The following ATG7 variants were observed in gnomAD, a reference collection of about 807,000 sequenced individuals.
The protein encoded by ATG7 is autophagy related 7, also known as ubiquitin-like modifier-activating enzyme ATG7.
Under a neutral mutation model 82.4 loss-of-function variants are expected in ATG7, and 70 were observed. The ratio of observed to expected loss-of-function variants is 0.85; its 90% CI spans 0.70 to 1.04. The LOEUF is 1.04. Ranked by LOEUF, ATG7 falls within the 50% of genes least tolerant of loss-of-function variation. The probability of loss-of-function intolerance (pLI) is 0.00; values close to 1 mark genes in which losing one functional copy is unlikely to be tolerated. For synonymous variants in ATG7, 287 were observed against 313.0 expected (o/e 0.92, Z 0.88); for missense variants, 792 against 864.3 (o/e 0.92, Z 1.05).
Position 11,307,075 on chromosome 3 carries a change from C to A in ATG7, c.333+15C>A, listed in dbSNP as rs756431974. 1.3e-6 allele frequency: 2 copies of A among 1,598,170 alleles called. No homozygotes were observed. Among genetic ancestry groups the A allele is most frequent in the East Asian group, 2.2e-5 (1 of 44,798 alleles). On this transcript the variant is annotated intron_variant, in intron 6 of 20. Coordinates refer to ENST00000693202, the MANE Select transcript of ATG7 (RefSeq NM_001349232.2). ...CAGCAAATGAGGTTAGCTGTGAAAA[C>A]GTGATGTATGTGTCATATTTCCTGT...
intron 20 of ATG7, among the ~76,000 whole-genome samples, chr3:11,441,250 TATTA>T (rs2152968479): frequency 6.6e-6 from 1 of 152,270 alleles, no homozygotes; most frequent in Admixed American, 6.5e-5. Flanking sequence ...ATTTTTTATT[TATTA>T]ATTTTTTGAG....
At chr3:11,304,776 T>C (rs1448280081) in intron 5 of ATG7, 1 of 152,230 alleles carries the variant, frequency 6.6e-6, no homozygotes, top group Non-Finnish European at 1.5e-5. Context: ...AGTATACGCA[T>C]TATCGCAAGT....
chr3:11,281,774 CAAAAAAA>C (rs537058033), intron 2 of ATG7, among the ~76,000 whole-genome samples: 20 of 56,396 alleles, frequency 3.5e-4, no homozygotes, highest in African/African-American at 1.2e-3. Context: ...AACTCCATCT[CAAAAAAA>C]AAAAAAAAAA....
intron 19 of ATG7, among the ~76,000 whole-genome samples, chr3:11,387,405 G>C (rs1164103543): frequency 6.6e-6 from 1 of 152,122 alleles, no homozygotes; most frequent in Non-Finnish European, 1.5e-5. Flanking sequence ...GTCACCTGTG[G>C]TCACAAACAC....
chr3:11,446,369 T>C, intron 20 of ATG7: 2 of 283,384 alleles, frequency 7.1e-6, no homozygotes, highest in South Asian at 6.1e-5. Context: ...GAATTAAGTA[T>C]GCCAGAGACT....
At chr3:11,494,593 T>G (rs773917349) in intron 20 of ATG7, among the ~76,000 whole-genome samples, 2 of 152,188 alleles carry the variant, frequency 1.3e-5, no homozygotes, top group Non-Finnish European at 2.9e-5. Context: ...TAGGAAATAG[T>G]CTTTGGTTCC....
At chr3:11,488,258 G>T (rs2089949050) in intron 20 of ATG7, 6 of 256,098 alleles carry the variant, frequency 2.3e-5, no homozygotes, top group Non-Finnish European at 4.2e-5. Flanking sequence ...GCCGGGCAGA[G>T]GCTGCAATCT....
In ATG7 at chr3:11,327,316, C is replaced by G. The variant is rs556746995; in HGVS notation, c.679-4024C>G. On this transcript the variant is annotated intron_variant, in intron 9 of 20. Transcript: ENST00000693202. ...TTAATTTTTCTACAGTCAGGAATTTCTTACAATTGTGTATATTTATGCAGT... is the reference window on the plus strand; with the variant it reads ...TTAATTTTTCTACAGTCAGGAATTTGTTACAATTGTGTATATTTATGCAGT... 1.5e-4 allele frequency among the ~76,000 whole-genome samples: 23 copies of G among 152,320 alleles called. No homozygotes were observed. The South Asian group carries it at 4.8e-3, about 32-fold the overall frequency.
intron 18 of ATG7, among the ~76,000 whole-genome samples, chr3:11,374,865 C>G (rs538683942): frequency 7.5e-6 from 1 of 134,024 alleles, no homozygotes; most frequent in South Asian, 2.3e-4. Flanking sequence ...AATCGCTCCA[C>G]TACACTCCAG....
chr3:11,491,142 C>T lies in ATG7; in HGVS notation c.2080-63669C>T, dbSNP rs182083522. 7.5e-3 allele frequency among the ~76,000 whole-genome samples: 1,145 copies of T among 152,318 alleles called. 9 individuals carry two copies. The highest frequency in any genetic ancestry group is 0.011 in the Non-Finnish European group (753 of 68,034). On this transcript the variant is annotated intron_variant, in intron 20 of 20. Coordinates refer to ENST00000693202, the MANE Select transcript of ATG7 (RefSeq NM_001349232.2). ...CGTAGATTTGGTCTTTTCACATAGT[C>T]CCATATTTCTTGGAGGCTTTGTTCG...
At chr3:11,356,510 G>A (rs991265676) in intron 14 of ATG7, among the ~76,000 whole-genome samples, 8 of 152,162 alleles carry the variant, frequency 5.3e-5, no homozygotes, top group Non-Finnish European at 1.0e-4. Context: ...CATAACTGAT[G>A]GGCTCTAACG....
intron 3 of ATG7, among the ~76,000 whole-genome samples, chr3:11,289,702 T>C (rs1944647984): frequency 6.6e-6 from 1 of 152,152 alleles, no homozygotes; most frequent in South Asian, 2.1e-4. Flanking sequence ...GGACTACCGA[T>C]GCGCCCTGCA....
intron 1 of ATG7, among the ~76,000 whole-genome samples, chr3:11,278,856 A>G (rs1942454648): frequency 6.6e-6 from 1 of 152,348 alleles, no homozygotes; most frequent in South Asian, 2.1e-4. Context: ...ACTAGAATAC[A>G]GGAGGATCGA....
At chr3:11,411,797 A>C in intron 19 of ATG7, among the ~76,000 whole-genome samples, 1 of 151,650 alleles carries the variant, frequency 6.6e-6, no homozygotes, top group East Asian at 1.9e-4. Flanking sequence ...TGCTAAATCC[A>C]TTGTTGTGCA....
At chr3:11,471,317 G>A (rs2087495541) in intron 20 of ATG7, among the ~76,000 whole-genome samples, 1 of 152,096 alleles carries the variant, frequency 6.6e-6, no homozygotes, top group Admixed American at 6.5e-5. Context: ...CACCTACTTG[G>A]TCTTCAAGCC....
chr3:11,467,039 A>G (rs1450849447), intron 20 of ATG7, among the ~76,000 whole-genome samples: 1 of 152,078 alleles, frequency 6.6e-6, no homozygotes, highest in Admixed American at 6.6e-5. Flanking sequence ...CAGGAGAATC[A>G]CTTGAACCCG....
At chr3:11,388,549 G>T (rs563242987) in intron 19 of ATG7, among the ~76,000 whole-genome samples, 22 of 151,152 alleles carry the variant, frequency 1.5e-4, no homozygotes, top group African/African-American at 5.1e-4. Context: ...CTGCCTCAGC[G>T]TCCCAAGTAG....
At chr3:11,327,546 CA>C (rs1416966705) in intron 9 of ATG7, among the ~76,000 whole-genome samples, 1 of 152,188 alleles carries the variant, frequency 6.6e-6, no homozygotes, top group African/African-American at 2.4e-5. Flanking sequence ...AATTCTGATG[CA>C]GGTGGTCTCT....
chr3:11,331,976 G>T (rs1421464721), intron 10 of ATG7, among the ~76,000 whole-genome samples: 1 of 152,110 alleles, frequency 6.6e-6, no homozygotes, highest in Non-Finnish European at 1.5e-5. Context: ...AAAATGTTGG[G>T]CAGTATCTAC....
Sources: allele counts gnomAD v4.1 joint callset (sites outside exome capture counted in the v4.1 genomes callset), GRCh38; gene constraint gnomAD v4.1.1; transcripts MANE v1.5; gene names NCBI Gene and HGNC (gene_info 2026-07-23, HGNC 2026-07-21).